MTCL1: variants seen among roughly 807,000 people sequenced by gnomAD.
The protein encoded by MTCL1 is microtubule cross-linking factor 1.
Under a neutral mutation model 141.4 loss-of-function variants are expected in MTCL1, and 79 were observed. That is an observed-to-expected ratio of 0.56 (90% CI 0.47 to 0.67). MTCL1 has a LOEUF of 0.67. Among genes scored for constraint, MTCL1 ranks in the 30% least tolerant of loss-of-function variants. The pLI is 0.00. For synonymous variants in MTCL1, 914 were observed against 875.8 expected (o/e 1.04, Z -0.77); for missense variants, 2,177 against 2,113.9 (o/e 1.03, Z -0.59).
Position 8,755,308 on chromosome 18 carries a change from G to A in MTCL1, c.358-22525G>A, listed in dbSNP as rs1367848557. Among the ~76,000 whole-genome samples the A allele has an allele frequency of 5.3e-5, 8 of 152,298 alleles. No homozygotes were observed. In the East Asian group the frequency reaches 1.5e-3, roughly 29 times the overall value. On this transcript the variant is annotated intron_variant, in intron 4 of 16. Transcript: ENST00000359865. ...GCTTTTGTTGTTTTAACCGGGATTG[G>A]TTTGAAATGAAAATGACCACATCAG...
chr18:8,793,571 A>T (rs1176113317), intron 8 of MTCL1, among the ~76,000 whole-genome samples: 1 of 152,214 alleles, frequency 6.6e-6, no homozygotes, highest in Non-Finnish European at 1.5e-5. Flanking sequence ...TTACTCTCGA[A>T]TAACCTGGTA....
rs530277897 is a variant in MTCL1, at chr18:8,774,222, C to T, written c.358-3611C>T. 7.0e-4 allele frequency among the ~76,000 whole-genome samples: 106 copies of T among 151,692 alleles called. 1 individual carries two copies. The highest frequency in any genetic ancestry group is 3.2e-3 in the Middle Eastern group (1 of 316). On this transcript the variant is annotated intron_variant, in intron 4 of 16. Transcript: ENST00000359865. ...TGAATTACTTTGTCCATTCTTACCA[C>T]ACTCACAAACACATACACACACTCT...
intron 4 of MTCL1, among the ~76,000 whole-genome samples, chr18:8,741,690 A>G (rs535740089): frequency 1.3e-5 from 2 of 152,336 alleles, no homozygotes; most frequent in East Asian, 1.9e-4. Context: ...CAGACTCGCA[A>G]ATCAGTTAAT....
intron 12 of MTCL1, among the ~76,000 whole-genome samples, chr18:8,818,613 GTTCT>G (rs1378880675): frequency 6.6e-6 from 1 of 152,154 alleles, no homozygotes; most frequent in Non-Finnish European, 1.5e-5. Context: ...TTTTAAACAT[GTTCT>G]TTAACAGTAT....
chr18:8,771,278 C>T (rs1363144265), intron 4 of MTCL1, among the ~76,000 whole-genome samples: 1 of 152,120 alleles, frequency 6.6e-6, no homozygotes, highest in African/African-American at 2.4e-5. Flanking sequence ...CGTGAGCTCC[C>T]ATGACCGATT....
intron 4 of MTCL1, among the ~76,000 whole-genome samples, chr18:8,775,234 C>T (rs1298663301): frequency 6.6e-6 from 1 of 152,104 alleles, no homozygotes; most frequent in Non-Finnish European, 1.5e-5. Context: ...GGGAGAGAGC[C>T]TGCTGATTCA....
At chr18:8,769,310 G>A (rs991413412) in intron 4 of MTCL1, among the ~76,000 whole-genome samples, 1 of 152,094 alleles carries the variant, frequency 6.6e-6, no homozygotes, top group Non-Finnish European at 1.5e-5. Context: ...TGCAGTTTGG[G>A]GGAAGGATAC....
chr18:8,819,150 G>A (rs778294436), exon 13 of MTCL1: 1 of 1,614,256 alleles, frequency 6.2e-7, no homozygotes. Context: ...GAGTCGGACA[G>A]GTGCTCGGCC....
chr18:8,744,054 T>C (rs148844307), intron 4 of MTCL1, among the ~76,000 whole-genome samples: 1 of 152,344 alleles, frequency 6.6e-6, no homozygotes, highest in Non-Finnish European at 1.5e-5. Context: ...GAAGTGGGCA[T>C]TTTTATATTT....
chr18:8,802,219 G>A (rs1048483709), intron 10 of MTCL1: 2 of 152,234 alleles, frequency 1.3e-5, no homozygotes, highest in African/African-American at 2.4e-5. Flanking sequence ...TGCGTGCCTT[G>A]TGGGGGTCTG....
Position 8,779,660 on chromosome 18 carries a change from A to G in MTCL1, c.417+1768A>G, listed in dbSNP as rs181556869. 3.1e-4 allele frequency among the ~76,000 whole-genome samples: 47 copies of G among 151,944 alleles called. No homozygotes were observed. Among genetic ancestry groups the G allele is most frequent in the African/African-American group, 1.0e-3 (43 of 41,412 alleles). ...CTCACGGAAGACGTCTGACTCCTTC[A>G]TTTAATATACACTCTCCCATGGCTT... On this transcript the variant is annotated intron_variant, in intron 5 of 16. Coordinates refer to ENST00000359865, the Ensembl canonical transcript of MTCL1. This position sits in a 1 kb window ranked among gnomAD's most constrained non-coding sequence, Gnocchi z 4.1.
chr18:8,706,574 G>T (rs1401132397), exon 1 of MTCL1: 2 of 1,454,896 alleles, frequency 1.4e-6, no homozygotes, highest in East Asian at 2.9e-5. Context: ...GTCCGGGGGC[G>T]CTCGCCACCG....
chr18:8,777,984 A>G (rs2096518098), intron 5 of MTCL1, 92 bp downstream of exon 4: 1 of 1,190,898 alleles, frequency 8.4e-7, no homozygotes, highest in Non-Finnish European at 1.2e-6. Flanking sequence ...CTTTGCCTTT[A>G]AAACATCCAA....
At chr18:8,724,093 T>G (rs547479319) in intron 4 of MTCL1, among the ~76,000 whole-genome samples, 1 of 152,224 alleles carries the variant, frequency 6.6e-6, no homozygotes, top group South Asian at 2.1e-4. Flanking sequence ...AACACGAGAA[T>G]GTACTCAGTG....
At chr18:8,785,800 TC>T (rs1351283418) in intron 6 of MTCL1, 135 bp from the exon 6 acceptor site, 1 of 1,052,858 alleles carries the variant, frequency 9.5e-7, no homozygotes, top group African/African-American at 1.6e-5. Flanking sequence ...TTGGTCGTTT[TC>T]TCAGTCGTCT....
At chr18:8,738,745 C>T (rs1010545275) in intron 4 of MTCL1, among the ~76,000 whole-genome samples, 1 of 152,208 alleles carries the variant, frequency 6.6e-6, no homozygotes, top group Non-Finnish European at 1.5e-5. Flanking sequence ...GATAGGGAGG[C>T]TCACAGAGTC....
At chr18:8,778,043 T>C (rs2096518385) in intron 5 of MTCL1, 151 bp downstream of exon 4, 6 of 590,078 alleles carry the variant, frequency 1.0e-5, no homozygotes, top group Non-Finnish European at 1.7e-5. Context: ...ACCTCCACAG[T>C]GTGAACATTT....
chr18:8,803,763 C>T (rs2076201934), intron 10 of MTCL1, among the ~76,000 whole-genome samples: 1 of 152,236 alleles, frequency 6.6e-6, no homozygotes, highest in Non-Finnish European at 1.5e-5. Flanking sequence ...GTTTTGATTA[C>T]TCTGATGCAA....
chr18:8,748,630 C>T (rs1007399727), intron 4 of MTCL1, among the ~76,000 whole-genome samples: 3 of 151,782 alleles, frequency 2.0e-5, no homozygotes, highest in African/African-American at 7.3e-5. Context: ...TATATATATT[C>T]GTGACTCCCC....
Sources: allele counts gnomAD v4.1 joint callset (sites outside exome capture counted in the v4.1 genomes callset), GRCh38; gene constraint gnomAD v4.1.1; non-coding constraint Gnocchi (gnomAD v3.1); transcripts MANE v1.5; gene names NCBI Gene and HGNC (gene_info 2026-07-23, HGNC 2026-07-21).